The following LRRN2 variants were observed in gnomAD, a reference collection of about 807,000 sequenced individuals.
LRRN2 encodes the protein leucine-rich repeat neuronal protein 2.
LRRN2 carries 10 observed loss-of-function variants against 35.7 expected under a neutral mutation model. That is an observed-to-expected ratio of 0.28 (90% confidence interval 0.17 to 0.47). The LOEUF (loss-of-function observed/expected upper bound fraction) is 0.47, where lower values mean the gene tolerates loss of function less well. Ranked by LOEUF, LRRN2 falls within the 20% of genes least tolerant of loss-of-function variation. The pLI is 0.99. For missense variants in LRRN2, 731 were observed against 940.3 expected, an observed-to-expected ratio of 0.78 and a Z score of 2.91; for synonymous variants, 391 against 409.6, an observed-to-expected ratio of 0.95 and a Z score of 0.55.
intron 1 of LRRN2, chr1:204,627,467 G>C (rs935136380): frequency 6.6e-6 from 1 of 152,238 alleles, no homozygotes; most frequent in African/African-American, 2.4e-5. Context: ...GGGCCTGGGA[G>C]GGGAGGGACT....
At chr1:204,659,110 A>AT (rs1668416535) in intron 1 of LRRN2, among the ~76,000 whole-genome samples, 1 of 152,170 alleles carries the variant, frequency 6.6e-6, no homozygotes, top group South Asian at 2.1e-4. Context: ...TTTGCCCTCA[A>AT]TAGCCATCCT....
chr1:204,624,783 G>A (rs1479779175), intron 1 of LRRN2, among the ~76,000 whole-genome samples: 1 of 142,070 alleles, frequency 7.0e-6, no homozygotes, highest in African/African-American at 2.7e-5. Context: ...TGAGGGTCCA[G>A]AGGGAGGGTG....
rs1488337538 is a variant in LRRN2 at position 204,618,900 on chromosome 1, C to T, written c.1093G>A (p.Gly365Ser). The T allele has an allele frequency of 1.2e-6, 2 of 1,614,188 alleles. No individual in the cohort carries two copies. Among genetic ancestry groups the T allele is most frequent in the Non-Finnish European group, 1.7e-6 (2 of 1,180,032 alleles). The stretch of plus-strand genomic sequence containing the variant: ...CAGCGGATGGGGTTGCCGTGGAGAC[C>T]TACCTCCTGCAGGTTGGGCAGGGAC... ...VESLPNLQEV[G>S]LHGNPIRCDC... The change falls in exon 2 of 2, where the codon GGT becomes AGT. Residue 365 changes from glycine (G) to serine (S), a missense_variant. Around this residue, in one of 3 missense-constraint regions of LRRN2, gnomAD observed 256 missense variants for 392.4 expected, o/e 0.65. Coordinates refer to ENST00000367177, the MANE Select transcript of LRRN2 (RefSeq NM_201630.2).
intron 1 of LRRN2, among the ~76,000 whole-genome samples, chr1:204,641,929 C>G (rs1667986487): frequency 6.6e-6 from 1 of 152,248 alleles, no homozygotes; most frequent in African/African-American, 2.4e-5. Context: ...GCTGCAGGAG[C>G]TATGCACCCT....
chr1:204,645,727 C>G (rs1299247397), intron 1 of LRRN2, among the ~76,000 whole-genome samples: 4 of 152,126 alleles, frequency 2.6e-5, no homozygotes, highest in African/African-American at 7.2e-5. Flanking sequence ...AGGAAACTTA[C>G]AATCATGGCA....
At chr1:204,640,696 T>C (rs532413588) in intron 1 of LRRN2, among the ~76,000 whole-genome samples, 3 of 152,246 alleles carry the variant, frequency 2.0e-5, no homozygotes, top group African/African-American at 7.2e-5. Flanking sequence ...TCCATGAGGT[T>C]CTGGGATCTC....
intron 1 of LRRN2, among the ~76,000 whole-genome samples, chr1:204,648,805 C>T (rs1334172220): frequency 1.3e-5 from 2 of 152,166 alleles, no homozygotes; most frequent in Non-Finnish European, 2.9e-5. Context: ...AGACCACAGC[C>T]CCCAACCCTT....
intron 1 of LRRN2, among the ~76,000 whole-genome samples, chr1:204,684,374 C>A (rs1669020044): frequency 6.6e-6 from 1 of 152,172 alleles, no homozygotes; most frequent in South Asian, 2.1e-4. Flanking sequence ...AGGAACAGAG[C>A]ACAAAGCCCA....
chr1:204,629,863 C>CA (rs376819641), intron 1 of LRRN2, among the ~76,000 whole-genome samples: 15 of 152,232 alleles, frequency 9.9e-5, no homozygotes, highest in African/African-American at 3.6e-4. Flanking sequence ...AACAGAAAAC[C>CA]AAATACCACA....
At position 204,629,681 on chromosome 1, in the gene LRRN2, A is replaced by G. The variant is rs145746171; in HGVS notation, c.-226-9463T>C. 1,246 of 172,622 alleles carry G rather than the reference A, an allele frequency of 7.2e-3. 20 individuals are homozygous for G. The highest frequency in any genetic ancestry group is 0.028 in the African/African-American group (1,179 of 41,888). The allele number at this position is 172,622 out of a possible 1,614,324, so 10.7% of individuals were successfully genotyped here. A position where few individuals can be genotyped will look rare whatever the true frequency, so the allele number is the denominator to read the frequency against. ...GAGGCCTCCCCAGCCATGTGGAACT[A>G]TAAGTCCAATTAAACCTCTTTTTCT... On this transcript the variant is annotated intron_variant, in intron 1 of 1. Coordinates refer to ENST00000367177, the MANE Select transcript of LRRN2 (RefSeq NM_201630.2).
chr1:204,639,472 A>G (rs1468568049), intron 1 of LRRN2, among the ~76,000 whole-genome samples: 1 of 152,064 alleles, frequency 6.6e-6, no homozygotes, highest in African/African-American at 2.4e-5. Context: ...CGTCTCTATA[A>G]CAACTCTTTT....
At chr1:204,652,427 C>G (rs1252201835) in intron 1 of LRRN2, among the ~76,000 whole-genome samples, 2 of 22,212 alleles carry the variant, frequency 9.0e-5, no homozygotes, top group South Asian at 0.024. Flanking sequence ...GGCAGAAGAG[C>G]AAAGAAGGAC....
intron 1 of LRRN2, among the ~76,000 whole-genome samples, chr1:204,631,256 CTATATATATATA>C (rs1162626713): frequency 0.017 from 636 of 36,908 alleles, 32 homozygotes; most frequent in South Asian, 0.034. Flanking sequence ...CTAGAGTGTT[CTATATATATATA>C]TATATATATA....
intron 1 of LRRN2, among the ~76,000 whole-genome samples, chr1:204,681,848 T>A (rs1668963595): frequency 6.6e-6 from 1 of 152,220 alleles, no homozygotes; most frequent in Non-Finnish European, 1.5e-5. Context: ...TTTTTGCATA[T>A]CTCTTGTCTT....
Position 204,624,908 on chromosome 1 carries a change from G to A in LRRN2, c.-226-4690C>T, listed in dbSNP as rs938482378. On this transcript the variant is annotated intron_variant, in intron 1 of 1. Coordinates refer to ENST00000367177, the MANE Select transcript of LRRN2 (RefSeq NM_201630.2). Reference sequence around the variant, plus strand: ...ATTGAGTGTAGCGTTGATAAACTCCGGCCTCCTCACCAGCAGATAAGCGCT... The same window carrying A: ...ATTGAGTGTAGCGTTGATAAACTCCAGCCTCCTCACCAGCAGATAAGCGCT... Among the ~76,000 whole-genome samples the A allele has an allele frequency of 1.7e-4, 26 of 152,324 alleles. No individual in the cohort carries two copies. In the South Asian group the frequency reaches 3.7e-3, roughly 22 times the overall value.
At chr1:204,646,310 T>G (rs990200212) in intron 1 of LRRN2, among the ~76,000 whole-genome samples, 3 of 152,106 alleles carry the variant, frequency 2.0e-5, no homozygotes, top group Non-Finnish European at 4.4e-5. Context: ...CCATGCTTTC[T>G]TGGGGTAGGC....
At position 204,618,484 on chromosome 1, in the gene LRRN2, C is replaced by T. The variant is rs773464423; in HGVS notation, c.1509G>A (p.Val503=). Reference sequence around the variant, plus strand: ...CACTAACCGTCTTAGTGTCAGCCCCCACCAGGTTCTGGGCCACACAGGTGT... The same window carrying T: ...CACTAACCGTCTTAGTGTCAGCCCCTACCAGGTTCTGGGCCACACAGGTGT... ...GLYTCVAQNL[V]GADTKTVSVV... The change falls in exon 2 of 2, where the codon GTG becomes GTA. Residue 503 remains valine, a synonymous_variant. Coordinates refer to ENST00000367177, the MANE Select transcript of LRRN2 (RefSeq NM_201630.2). 2 of 1,614,242 alleles carry T rather than the reference C, an allele frequency of 1.2e-6. No homozygotes were observed. The highest frequency in any genetic ancestry group is 1.7e-6 in the Non-Finnish European group (2 of 1,180,036).
intron 1 of LRRN2, among the ~76,000 whole-genome samples, chr1:204,632,454 A>G (rs1437461594): frequency 1.3e-5 from 2 of 150,768 alleles, no homozygotes; most frequent in Non-Finnish European, 2.9e-5. Flanking sequence ...ACAAGGTGAA[A>G]CCCCGACTCA....
chr1:204,653,876 A>AAAAC lies in LRRN2; in HGVS notation c.-227+31443_-227+31444insGTTT, dbSNP rs397946770. ...GACCCCATCTCAAAAAAAAAAAAAA[A>AAAAC]GAAAAACTATTTAGCTGGGCATGGT... On this transcript the variant is annotated intron_variant, in intron 1 of 1. Coordinates refer to ENST00000367177, the MANE Select transcript of LRRN2 (RefSeq NM_201630.2). 6.5e-3 allele frequency among the ~76,000 whole-genome samples: 976 copies of AAAAC among 150,468 alleles called. 11 individuals carry two copies. The highest frequency in any genetic ancestry group is 0.023 in the African/African-American group (917 of 40,678).
Sources: allele counts gnomAD v4.1 joint callset (sites outside exome capture counted in the v4.1 genomes callset), GRCh38; gene constraint gnomAD v4.1.1; regional missense constraint gnomAD v4.1.1; transcripts MANE v1.5; gene names NCBI Gene and HGNC (gene_info 2026-07-23, HGNC 2026-07-21).